The following CNTNAP2 variants were observed in gnomAD, a reference collection of about 807,000 sequenced individuals.
The protein encoded by CNTNAP2 is contactin-associated protein-like 2.
CNTNAP2 carries 98 observed loss-of-function variants against 155.2 expected under a neutral mutation model. The ratio of observed to expected loss-of-function variants is 0.63; its 90% CI spans 0.54 to 0.75. CNTNAP2 has a LOEUF of 0.75. Ranked by LOEUF, CNTNAP2 falls within the 30% of genes least tolerant of loss-of-function variation. CNTNAP2 has a pLI of 0.00. For missense variants in CNTNAP2, 1,727 were observed against 1,688.1 expected (o/e 1.02, Z -0.40); for synonymous variants, 651 against 631.2 (o/e 1.03, Z -0.47).
At chr7:147,027,242 T>C (rs2129249032) in intron 3 of CNTNAP2, among the ~76,000 whole-genome samples, 1 of 152,292 alleles carries the variant, frequency 6.6e-6, no homozygotes, top group Middle Eastern at 3.4e-3. Flanking sequence ...CAAGGGAATA[T>C]AGCATCACTC....
chr7:146,546,062 A>G (rs1415777378), intron 1 of CNTNAP2, among the ~76,000 whole-genome samples: 1 of 151,944 alleles, frequency 6.6e-6, no homozygotes, highest in Non-Finnish European at 1.5e-5. Context: ...GGCTTTATAT[A>G]AGAAATGGAA....
intron 3 of CNTNAP2, among the ~76,000 whole-genome samples, chr7:146,856,347 C>CAT: frequency 6.8e-6 from 1 of 146,296 alleles, no homozygotes; most frequent in African/African-American, 2.5e-5. Context: ...CATACATAGG[C>CAT]AGGCAATAGA....
chr7:147,120,975 G>A lies in CNTNAP2; in HGVS notation c.755-4G>A, dbSNP rs756256467. 2.2e-5 allele frequency: 35 copies of A among 1,613,196 alleles called. No homozygotes were observed. Among genetic ancestry groups the A allele is most frequent in the Middle Eastern group, 1.8e-4 (1 of 5,524 alleles). ...TTGTTTCTTTTTCACTTCTGTGTAC[G>A]CAGGAAGCAACCAGCTTGGCCCCAT... is the stretch of plus-strand genomic sequence containing the variant. On this transcript the variant is annotated splice_polypyrimidine_tract_variant and splice_region_variant and intron_variant, in intron 5 of 23. Coordinates refer to ENST00000361727, the MANE Select transcript of CNTNAP2 (RefSeq NM_014141.6).
intron 3 of CNTNAP2, among the ~76,000 whole-genome samples, chr7:146,983,237 A>C (rs1524339): frequency 0.22 from 33,813 of 152,100 alleles, 4,979 homozygotes; most frequent in Non-Finnish European, 0.31. Context: ...GCTGAATGGA[A>C]GTGGGAGTGT....
chr7:146,170,481 G>A (rs1314023604), intron 1 of CNTNAP2, among the ~76,000 whole-genome samples: 1 of 150,758 alleles, frequency 6.6e-6, no homozygotes, highest in Non-Finnish European at 1.5e-5. Flanking sequence ...AATACTTGTT[G>A]TATTAAAAAT....
intron 1 of CNTNAP2, among the ~76,000 whole-genome samples, chr7:146,604,891 A>G (rs1179092005): frequency 7.5e-6 from 1 of 132,452 alleles, no homozygotes; most frequent in East Asian, 2.4e-4. Flanking sequence ...ACATGGACAC[A>G]GGAAGGGGAC....
At chr7:147,886,318 C>CA (rs780718441) in intron 13 of CNTNAP2, among the ~76,000 whole-genome samples, 1 of 151,430 alleles carries the variant, frequency 6.6e-6, no homozygotes, top group Non-Finnish European at 1.5e-5. Context: ...AATAAAAATA[C>CA]AAAAAAATTA....
At chr7:146,950,179 T>A (rs1180413926) in intron 3 of CNTNAP2, among the ~76,000 whole-genome samples, 1 of 152,170 alleles carries the variant, frequency 6.6e-6, no homozygotes, top group African/African-American at 2.4e-5. Flanking sequence ...AATTATATTA[T>A]CTGAAAGTAC....
At chr7:146,417,627 C>A (rs1366972201) in intron 1 of CNTNAP2, among the ~76,000 whole-genome samples, 1 of 151,030 alleles carries the variant, frequency 6.6e-6, no homozygotes, top group Non-Finnish European at 1.5e-5. Flanking sequence ...TTAATCATCT[C>A]TCTTTTACTA....
chr7:147,044,380 G>A (rs1011731228), intron 4 of CNTNAP2, among the ~76,000 whole-genome samples: 2 of 151,966 alleles, frequency 1.3e-5, no homozygotes, highest in African/African-American at 4.8e-5. Context: ...CTTGCCTTAT[G>A]AAATATTTAA....
intron 19 of CNTNAP2, among the ~76,000 whole-genome samples, chr7:148,228,617 A>T (rs1795901135): frequency 6.6e-6 from 1 of 152,008 alleles, no homozygotes; most frequent in South Asian, 2.1e-4. Context: ...AGGTCCGGAG[A>T]TCGAGATCAT....
At chr7:147,354,750 G>C (rs1414207330) in intron 9 of CNTNAP2, among the ~76,000 whole-genome samples, 1 of 152,036 alleles carries the variant, frequency 6.6e-6, no homozygotes, top group Non-Finnish European at 1.5e-5. Flanking sequence ...CCACAATATT[G>C]ATTCTTCCTG....
chr7:146,145,275 C>T (rs981337539), intron 1 of CNTNAP2, among the ~76,000 whole-genome samples: 2 of 152,154 alleles, frequency 1.3e-5, no homozygotes, highest in African/African-American at 2.4e-5. Flanking sequence ...TGAAGCCTTC[C>T]TGAAAGCCTC....
rs577955329 is a variant in CNTNAP2 at position 146,161,936 on chromosome 7, T to A, written c.97+44963T>A. Among the ~76,000 whole-genome samples the A allele has an allele frequency of 7.9e-5, 12 of 152,276 alleles. No individual in the cohort carries two copies. The East Asian group carries it at 2.3e-3, about 29-fold the overall frequency. ...AAAGGATTCCCTATTTAATAAATGG[T>A]GCTGGGAAAACTGGCTAGCCATATG... On this transcript the variant is annotated intron_variant, in intron 1 of 23. Transcript: ENST00000361727.
intron 3 of CNTNAP2, among the ~76,000 whole-genome samples, chr7:146,877,346 A>C (rs1036441916): frequency 3.3e-5 from 5 of 151,804 alleles, no homozygotes; most frequent in African/African-American, 1.2e-4. Flanking sequence ...CTCTATAACA[A>C]AACTTAAAAT....
At chr7:146,201,646 G>A (rs1180540838) in intron 1 of CNTNAP2, among the ~76,000 whole-genome samples, 2 of 134,562 alleles carry the variant, frequency 1.5e-5, no homozygotes, top group African/African-American at 3.1e-5. Context: ...ACGAGTGTGT[G>A]TGTGTGTGTG....
chr7:147,097,748 A>G (rs1800570952), intron 4 of CNTNAP2: 1 of 152,248 alleles, frequency 6.6e-6, no homozygotes, highest in Non-Finnish European at 1.5e-5. Flanking sequence ...GAAATTTTGG[A>G]TAGCTAAAGA....
chr7:147,430,440 G>T (rs1020220403), intron 10 of CNTNAP2, among the ~76,000 whole-genome samples: 1 of 152,126 alleles, frequency 6.6e-6, no homozygotes, highest in African/African-American at 2.4e-5. Flanking sequence ...TATTCTAAGA[G>T]GTTATTCAAA....
At chr7:147,915,156 G>C (rs1364167600) in intron 14 of CNTNAP2, among the ~76,000 whole-genome samples, 2 of 152,122 alleles carry the variant, frequency 1.3e-5, no homozygotes, top group African/African-American at 4.8e-5. Flanking sequence ...TCAGATCAAA[G>C]ACTAATTTTC....
Sources: gnomAD v4.1 joint callset for allele counts (sites outside exome capture counted in the v4.1 genomes callset) on GRCh38, gnomAD v4.1.1 for gene constraint, MANE v1.5 for transcripts, NCBI Gene and HGNC (gene_info 2026-07-23, HGNC 2026-07-21) for gene names.